RAPGEF4: variants seen among roughly 807,000 people sequenced by gnomAD.
RAPGEF4 encodes Rap guanine nucleotide exchange factor 4, also known as RAP guanine-nucleotide-exchange factor (GEF) 4.
Under a neutral mutation model 147.9 loss-of-function variants are expected in RAPGEF4, and 66 were observed. The observed-to-expected ratio is 0.45, with a 90% CI of 0.37 to 0.55. RAPGEF4 has a LOEUF of 0.55. RAPGEF4 is among the 20% of genes least tolerant of loss of function. The pLI is 0.00. For synonymous variants in RAPGEF4, 419 were observed against 442.7 expected, an observed-to-expected ratio of 0.95 and a Z score of 0.67; for missense variants, 1,071 against 1,257.3, an observed-to-expected ratio of 0.85 and a Z score of 2.24.
In RAPGEF4 at chr2:173,026,635, T is replaced by C; in HGVS notation, c.2317T>C (p.Ser773Pro). 1 of 1,614,002 alleles carries C rather than the reference T, an allele frequency of 6.2e-7. No homozygotes were observed. Among genetic ancestry groups the C allele is most frequent in the Non-Finnish European group, 8.5e-7 (1 of 1,179,904 alleles). Reference protein sequence around the residue: ...GTVGTFELMSSKDLAYQMTIY... With the variant: ...GTVGTFELMSPKDLAYQMTIY... ...AGTGGGAACTTTTGAACTGATGAGC[T>C]CCAAAGATTTAGCATACCAGATGAC... Residue 773 changes from serine (S) to proline (P), a missense_variant, in exon 24 of 31, where the codon TCC becomes CCC. Transcript: ENST00000397081.
At chr2:172,975,082 A>T (rs1463273021) in intron 10 of RAPGEF4, among the ~76,000 whole-genome samples, 1 of 152,210 alleles carries the variant, frequency 6.6e-6, no homozygotes, top group African/African-American at 2.4e-5. Flanking sequence ...GGAATTTCAG[A>T]TGAATAACAA....
At chr2:172,799,881 G>A (rs2161994) in intron 3 of RAPGEF4, among the ~76,000 whole-genome samples, 47,547 of 152,008 alleles carry the variant, frequency 0.31, 7,609 homozygotes, top group East Asian at 0.47. Context: ...AAAGCTGGCC[G>A]AGATTTTGAT....
chr2:173,043,593 T>G (rs1336579047), intron 29 of RAPGEF4, among the ~76,000 whole-genome samples: 3 of 152,170 alleles, frequency 2.0e-5, no homozygotes, highest in Non-Finnish European at 2.9e-5. Context: ...CAAGAGTCAG[T>G]GCAAGCTGGC....
intron 8 of RAPGEF4, among the ~76,000 whole-genome samples, chr2:172,961,668 GGAGAAA>G (rs1409783572): frequency 2.6e-5 from 4 of 152,188 alleles, no homozygotes; most frequent in Non-Finnish European, 4.4e-5. Flanking sequence ...ACTGAGGCTT[GGAGAAA>G]TTAGTTTTGC....
chr2:172,870,193 A>G (rs368321747), intron 4 of RAPGEF4, among the ~76,000 whole-genome samples: 1 of 152,132 alleles, frequency 6.6e-6, no homozygotes, highest in Non-Finnish European at 1.5e-5. Context: ...CTACTTTTCA[A>G]GCCTCTTTTA....
intron 4 of RAPGEF4, among the ~76,000 whole-genome samples, chr2:172,820,587 C>T (rs561292484): frequency 6.6e-6 from 1 of 152,272 alleles, no homozygotes; most frequent in Non-Finnish European, 1.5e-5. Flanking sequence ...ATGATTGGCA[C>T]ATTAGATTCA....
At chr2:173,007,172 C>A (rs1202893892) in intron 17 of RAPGEF4, among the ~76,000 whole-genome samples, 1 of 152,022 alleles carries the variant, frequency 6.6e-6, no homozygotes, top group African/African-American at 2.4e-5. Context: ...AAGATTTGAA[C>A]CCAAGCAGTG....
chr2:172,793,369 A>C (rs1211270787), intron 1 of RAPGEF4, among the ~76,000 whole-genome samples: 1 of 152,172 alleles, frequency 6.6e-6, no homozygotes, highest in Non-Finnish European at 1.5e-5. Flanking sequence ...AGTTCAACCC[A>C]TAACACCCTT....
intron 4 of RAPGEF4, among the ~76,000 whole-genome samples, chr2:172,818,194 G>GA (rs1475229741): frequency 6.6e-6 from 1 of 151,854 alleles, no homozygotes; most frequent in East Asian, 1.9e-4. Context: ...GGAAAGGGGA[G>GA]AGAGGGGTGA....
At chr2:172,819,079 G>T (rs1317940511) in intron 4 of RAPGEF4, among the ~76,000 whole-genome samples, 2 of 152,078 alleles carry the variant, frequency 1.3e-5, no homozygotes, top group Non-Finnish European at 2.9e-5. Flanking sequence ...TGGCAGCTTG[G>T]CACTTTTTTT....
intron 4 of RAPGEF4, among the ~76,000 whole-genome samples, chr2:172,832,859 A>G (rs1574980361): frequency 6.6e-6 from 1 of 152,332 alleles, no homozygotes; most frequent in Non-Finnish European, 1.5e-5. Context: ...TGGTTGGCTA[A>G]TAGAATTGGC....
At chr2:172,781,884 T>A (rs964580269) in intron 1 of RAPGEF4, among the ~76,000 whole-genome samples, 5 of 152,364 alleles carry the variant, frequency 3.3e-5, no homozygotes, top group South Asian at 2.1e-4. Flanking sequence ...TTGTATTGTT[T>A]TTTATTTATT....
At chr2:172,874,582 C>G (rs1695657151) in intron 4 of RAPGEF4, among the ~76,000 whole-genome samples, 1 of 152,136 alleles carries the variant, frequency 6.6e-6, no homozygotes, top group Non-Finnish European at 1.5e-5. Context: ...ATGAACTCAT[C>G]CTTTTTATGG....
intron 27 of RAPGEF4, among the ~76,000 whole-genome samples, chr2:173,034,687 A>C (rs550809766): frequency 6.6e-6 from 1 of 152,234 alleles, no homozygotes; most frequent in Non-Finnish European, 1.5e-5. Context: ...CAGCCTGGCC[A>C]ACATGACGAA....
intron 26 of RAPGEF4, among the ~76,000 whole-genome samples, chr2:173,033,713 G>T (rs1249510347): frequency 6.6e-6 from 1 of 152,182 alleles, no homozygotes; most frequent in East Asian, 1.9e-4. Flanking sequence ...GGTTCAGTTA[G>T]GTTAAAGACG....
intron 13 of RAPGEF4, 129 bp from the exon 14 acceptor site, chr2:172,988,564 C>T (rs2105716640): frequency 1.7e-6 from 2 of 1,173,590 alleles, no homozygotes; most frequent in East Asian, 2.3e-5. Context: ...ATGTAATCCC[C>T]TTTGGCATCG....
intron 7 of RAPGEF4, 41 bp downstream of exon 7, chr2:172,960,854 T>G (rs775253319): frequency 3.3e-6 from 5 of 1,500,862 alleles, no homozygotes; most frequent in Non-Finnish European, 4.6e-6. Flanking sequence ...TTGAGCTAGC[T>G]TCTTAAGTAC....
intron 4 of RAPGEF4, among the ~76,000 whole-genome samples, chr2:172,861,384 A>G (rs917500453): frequency 6.6e-6 from 1 of 152,230 alleles, no homozygotes; most frequent in African/African-American, 2.4e-5. Flanking sequence ...ACAAGCCTTA[A>G]AACAGTCCAT....
At chr2:172,766,450 G>A (rs1298212537) in intron 1 of RAPGEF4, among the ~76,000 whole-genome samples, 1 of 152,080 alleles carries the variant, frequency 6.6e-6, no homozygotes, top group Non-Finnish European at 1.5e-5. Flanking sequence ...TACTCGGGAG[G>A]CTGAGGCATG....
Sources: gnomAD v4.1 joint callset for allele counts (sites outside exome capture counted in the v4.1 genomes callset) on GRCh38, gnomAD v4.1.1 for gene constraint, MANE v1.5 for transcripts, NCBI Gene and HGNC (gene_info 2026-07-23, HGNC 2026-07-21) for gene names.